Variants in ZSCAN31 observed in about 807,000 individuals in gnomAD.
The protein encoded by ZSCAN31 is zinc finger and SCAN domain containing 31.
Under a neutral mutation model 22.5 loss-of-function variants are expected in ZSCAN31, and 14 were observed. That is an observed-to-expected ratio of 0.62 (90% CI 0.41 to 0.97). The LOEUF is 0.97. ZSCAN31 is among the 50% of genes least tolerant of loss of function. The pLI, the probability that ZSCAN31 is intolerant of heterozygous loss-of-function variation, is 0.00. For missense variants in ZSCAN31, 424 were observed against 483.4 expected, an observed-to-expected ratio of 0.88 and a Z score of 1.15; for synonymous variants, 168 against 169.8, an observed-to-expected ratio of 0.99 and a Z score of 0.08.
chr6:28,327,476 T>G lies in ZSCAN31; in HGVS notation c.439A>C (p.Lys147Gln). 6.2e-7 allele frequency: 1 copy of G among 1,613,996 alleles called. No homozygotes were observed. The highest frequency in any genetic ancestry group is 8.5e-7 in the Non-Finnish European group (1 of 1,180,004). Residue 147 changes from lysine (K) to glutamine (Q), a missense_variant, in exon 3 of 4, where the codon AAG becomes CAG. By Grantham distance (53) the Lys-to-Gln change is moderately conservative (BLOSUM62 1). Transcript: ENST00000344279. Reference protein sequence around the residue: ...EVLLEDVEHLKVKQEPTDIQL... With the variant: ...EVLLEDVEHLQVKQEPTDIQL... ...ATGTCTGTTGGTTCCTGCTTGACCT[T>G]CAGATGTTCCACATCCTCCAAGAGC...
intron 2 of ZSCAN31, among the ~76,000 whole-genome samples, chr6:28,343,094 C>G (rs1764480629): frequency 6.6e-6 from 1 of 152,124 alleles, no homozygotes; most frequent in African/African-American, 2.4e-5. Context: ...AAAGTTCTGG[C>G]CCAGATAAGG....
At chr6:28,335,693 C>T (rs1764108308) in intron 1 of ZSCAN31, 1 of 152,300 alleles carries the variant, frequency 6.6e-6, no homozygotes, top group African/African-American at 2.4e-5. Flanking sequence ...AGCCCGCAGA[C>T]TAAGCGCATT....
chr6:28,328,588 C>T (rs1007182236), intron 2 of ZSCAN31, among the ~76,000 whole-genome samples: 1 of 152,190 alleles, frequency 6.6e-6, no homozygotes, highest in Admixed American at 6.5e-5. Context: ...AAGGTGCCCA[C>T]ATTTCATATT....
chr6:28,350,317 C>G (rs912671468), intron 2 of ZSCAN31: 3 of 152,104 alleles, frequency 2.0e-5, no homozygotes, highest in Non-Finnish European at 4.4e-5. Flanking sequence ...TATTTGGAGA[C>G]GGGATGCATG....
At chr6:28,352,964 CTTT>C (rs5875156) in intron 2 of ZSCAN31, among the ~76,000 whole-genome samples, 25 of 129,878 alleles carry the variant, frequency 1.9e-4, no homozygotes, top group African/African-American at 2.7e-4. Flanking sequence ...TTTTCTTTTT[CTTT>C]TTTTTTTTTT....
chr6:28,345,117 C>T (rs1764588129), intron 2 of ZSCAN31, among the ~76,000 whole-genome samples: 1 of 144,914 alleles, frequency 6.9e-6, no homozygotes. Context: ...TGCACTCCAA[C>T]CCAGGCAACG....
In ZSCAN31 at chr6:28,326,515, C is replaced by A. The variant is rs150046166; in HGVS notation, c.872G>T (p.Gly291Val). Residue 291 changes from glycine (G) to valine (V), a missense_variant, in exon 4 of 4, where the codon GGA (glycine) becomes GTA (valine). By Grantham distance (109) the Gly-to-Val change is moderately radical. Coordinates refer to ENST00000344279, the MANE Select transcript of ZSCAN31 (RefSeq NM_030899.5). Reference protein sequence around the residue: ...SLNEHRRSHTGEKPYQCKECG... With the variant: ...SLNEHRRSHTVEKPYQCKECG... Reference sequence around the variant, plus strand: ...CTCCTTACATTGATAGGGTTTCTCTCCAGTGTGGCTCCGCCGATGTTCATT... The same window carrying A: ...CTCCTTACATTGATAGGGTTTCTCTACAGTGTGGCTCCGCCGATGTTCATT... 29 of 1,614,114 alleles carry A rather than the reference C, an allele frequency of 1.8e-5. No individual in the cohort carries two copies. The highest frequency in any genetic ancestry group is 2.5e-5 in the Non-Finnish European group (29 of 1,180,048).
chr6:28,325,656 A>C lies in ZSCAN31; in HGVS notation c.*510T>G, dbSNP rs1350218827. ...GCAATGATTTCCTGTGGGAATGTGG[A>C]CGATTCTTATTCCCCAAAACCTTAC... On this transcript the variant is annotated 3_prime_UTR_variant, in exon 4 of 4. Coordinates refer to ENST00000344279, the MANE Select transcript of ZSCAN31 (RefSeq NM_030899.5). 1 of 152,924 alleles carries C rather than the reference A, an allele frequency of 6.5e-6. No homozygotes were observed. The highest frequency in any genetic ancestry group is 6.5e-5 in the Admixed American group (1 of 15,376). 9.5% of individuals were successfully genotyped at this position (152,924 alleles called of 1,614,324 possible). A position where few individuals can be genotyped will look rare whatever the true frequency, so the allele number is the denominator to read the frequency against.
chr6:28,346,684 G>T (rs1388371385), intron 2 of ZSCAN31, among the ~76,000 whole-genome samples: 1 of 152,020 alleles, frequency 6.6e-6, no homozygotes, highest in Non-Finnish European at 1.5e-5. Flanking sequence ...ATTATTAAAT[G>T]GACAAGTGCA....
Position 28,326,829 on chromosome 6 carries a change from C to T in ZSCAN31, c.558G>A (p.Gln186=). The change falls in exon 4 of 4, where the codon CAG becomes CAA. Residue 186 remains glutamine (Q), a synonymous_variant. Transcript: ENST00000344279. The part of the protein sequence containing the change: ...EQDGESIPEN[Q]ELASKQEILK... The stretch of plus-strand genomic sequence containing the variant: ...AGATTTCTTGCTTTGATGCCAACTC[C>T]TGGTTCTCAGGTATACTTTCACCAT... 4 of 1,611,966 alleles carry T rather than the reference C, an allele frequency of 2.5e-6. No individual in the cohort carries two copies. In the South Asian group the frequency reaches 3.3e-5, roughly 13 times the overall value.
At position 28,326,432 on chromosome 6, in the gene ZSCAN31, C is replaced by T; in HGVS notation, c.955G>A (p.Gly319Arg). 6.3e-7 allele frequency: 1 copy of T among 1,594,162 alleles called. No individual in the cohort carries two copies. The highest frequency in any genetic ancestry group is 8.6e-7 in the Non-Finnish European group (1 of 1,164,940). ...ACTTTGCATTCATATGGTTTTTCCC[C>T]TGTGTGGATTCTTCTGTGTCGAGTG... is the stretch of plus-strand genomic sequence containing the variant. Reference protein sequence around the residue: ...GLTRHRRIHTGEKPYECKVCG... With the variant: ...GLTRHRRIHTREKPYECKVCG... The change falls in exon 4 of 4, where the codon GGG becomes AGG. Residue 319 changes from glycine (G) to arginine (R), a missense_variant. By Grantham distance (125) the Gly-to-Arg change is moderately radical (BLOSUM62 -2). Coordinates refer to ENST00000344279, the MANE Select transcript of ZSCAN31 (RefSeq NM_030899.5).
At position 28,349,865 on chromosome 6, in the gene ZSCAN31, AG is replaced by A. The variant is rs1313168999; in HGVS notation, c.-371+3996del. The A allele has an allele frequency of 6.6e-6, 1 of 152,244 alleles. No homozygotes were observed. The highest frequency in any genetic ancestry group is 2.4e-5 in the African/African-American group (1 of 41,472). The allele number at this position is 152,244 out of a possible 1,614,324, so 9.4% of individuals were successfully genotyped here. On this transcript the variant is annotated intron_variant, in intron 2 of 7. Transcript: ENST00000396838. The surrounding 1 kb of genome is among the most constrained non-coding windows in gnomAD (Gnocchi z 4.1). ...AAAGGGGAGGGGACACAAGGTGCCG[AG>A]CTAGCAAACGACAGAGTCTGTCAGG...
At chr6:28,332,599 G>C (rs1426395819) in intron 1 of ZSCAN31, among the ~76,000 whole-genome samples, 6 of 152,186 alleles carry the variant, frequency 3.9e-5, no homozygotes, top group African/African-American at 1.4e-4. Flanking sequence ...ATATCAATGA[G>C]CAGGTATTAT....
rs988397168 is a variant in ZSCAN31 at position 28,351,896 on chromosome 6, T to A, written c.-371+1966A>T. Among the ~76,000 whole-genome samples, 4 of 152,172 alleles carry A rather than the reference T, an allele frequency of 2.6e-5. No individual in the cohort carries two copies. Among genetic ancestry groups the A allele is most frequent in the Non-Finnish European group, 5.9e-5 (4 of 68,040 alleles). On this transcript the variant is annotated intron_variant, in intron 2 of 7. Transcript: ENST00000396838. This position sits in a 1 kb window ranked among gnomAD's most constrained non-coding sequence, Gnocchi z 4.6. ...GACTTTTATCTTAATATAATCATAGTATCATGATCACACGCAAAAAAATTG... is the reference window on the plus strand; with the variant it reads ...GACTTTTATCTTAATATAATCATAGAATCATGATCACACGCAAAAAAATTG...
chr6:28,345,143 T>TAAAA, intron 2 of ZSCAN31, among the ~76,000 whole-genome samples: 1 of 73,484 alleles, frequency 1.4e-5, no homozygotes, highest in African/African-American at 8.8e-5. Flanking sequence ...AAACTGTGTC[T>TAAAA]CAAAAAAAAA....
At chr6:28,334,525 G>T (rs776469465) in intron 1 of ZSCAN31, among the ~76,000 whole-genome samples, 1 of 152,186 alleles carries the variant, frequency 6.6e-6, no homozygotes, top group Non-Finnish European at 1.5e-5. Context: ...CATGTGTGTT[G>T]TAAAATAAAT....
chr6:28,334,630 G>T (rs1341677396), intron 1 of ZSCAN31, among the ~76,000 whole-genome samples: 2 of 152,168 alleles, frequency 1.3e-5, no homozygotes, highest in African/African-American at 4.8e-5. Flanking sequence ...TGCACTACAG[G>T]AAGACTGGAA....
At chr6:28,350,741 C>G (rs1256056866) in intron 2 of ZSCAN31, among the ~76,000 whole-genome samples, 3 of 152,104 alleles carry the variant, frequency 2.0e-5, no homozygotes, top group Non-Finnish European at 4.4e-5. Flanking sequence ...CATCAATTCA[C>G]TTTGTAATGG....
chr6:28,327,468 C>CTTGA lies in ZSCAN31; in HGVS notation c.443_446dup (p.Lys149AsnfsTer20). Reference sequence around the variant, plus strand: ...GAAGCTGTATGTCTGTTGGTTCCTGCTTGACCTTCAGATGTTCCACATCCT... The same window carrying CTTGA: ...GAAGCTGTATGTCTGTTGGTTCCTGCTTGATTGACCTTCAGATGTTCCACATCCT... On this transcript the variant is annotated frameshift_variant, in exon 3 of 4. Transcript: ENST00000344279. LOFTEE classifies it high-confidence loss of function. 2 of 1,614,014 alleles carry CTTGA rather than the reference C, an allele frequency of 1.2e-6. No homozygotes were observed. Among genetic ancestry groups the CTTGA allele is most frequent in the Non-Finnish European group, 1.7e-6 (2 of 1,180,006 alleles).
Sources: gnomAD v4.1 joint callset for allele counts (sites outside exome capture counted in the v4.1 genomes callset) on GRCh38, gnomAD v4.1.1 for gene constraint, Gnocchi (gnomAD v3.1) non-coding constraint, MANE v1.5 for transcripts, NCBI Gene and HGNC (gene_info 2026-07-23, HGNC 2026-07-21) for gene names.